SHANK2: variants seen among roughly 807,000 people sequenced by gnomAD.
The protein encoded by SHANK2 is SH3 and multiple ankyrin repeat domains protein 2.
SHANK2 carries 43 observed loss-of-function variants against 133.7 expected under a neutral mutation model. The observed-to-expected ratio is 0.32, with a 90% CI of 0.25 to 0.41. The LOEUF is 0.41. Among genes scored for constraint, SHANK2 ranks in the 10% least tolerant of loss-of-function variants. The pLI is 1.00. For synonymous variants in SHANK2, 1,017 were observed against 952.8 expected, an observed-to-expected ratio of 1.07 and a Z score of -1.24; for missense variants, 1,994 against 2,235.8, an observed-to-expected ratio of 0.89 and a Z score of 2.18.
chr11:70,625,250 G>C (rs993458922), intron 17 of SHANK2, among the ~76,000 whole-genome samples: 1 of 152,118 alleles, frequency 6.6e-6, no homozygotes, highest in Non-Finnish European at 1.5e-5. Context: ...AACACGCATG[G>C]GGCATTGCCG....
intron 17 of SHANK2, among the ~76,000 whole-genome samples, chr11:70,526,662 A>C (rs181173630): frequency 3.4e-4 from 52 of 152,310 alleles, no homozygotes; most frequent in African/African-American, 1.3e-3. Context: ...TATGCTTCCC[A>C]GCTGGTCACA....
intron 14 of SHANK2, among the ~76,000 whole-genome samples, chr11:70,718,230 A>G (rs1437687914): frequency 6.6e-6 from 1 of 152,150 alleles, no homozygotes; most frequent in Non-Finnish European, 1.5e-5. Flanking sequence ...CGTCCCCAGT[A>G]ATTGCTTTCT....
intron 14 of SHANK2, among the ~76,000 whole-genome samples, chr11:70,735,836 T>C (rs17429150): frequency 0.049 from 7,484 of 151,938 alleles, 260 homozygotes; most frequent in Middle Eastern, 0.11. Flanking sequence ...CTTGTAGCTC[T>C]CTCTTCAGCG....
intron 6 of SHANK2, 55 bp downstream of exon 6, chr11:71,109,886 G>T: frequency 9.3e-7 from 1 of 1,079,068 alleles, no homozygotes; most frequent in Non-Finnish European, 1.4e-6. Flanking sequence ...GCAGTGGGCT[G>T]GCCTTCTCTA....
At chr11:70,767,220 G>C (rs1327002037) in intron 14 of SHANK2, among the ~76,000 whole-genome samples, 1 of 152,214 alleles carries the variant, frequency 6.6e-6, no homozygotes, top group Non-Finnish European at 1.5e-5. Flanking sequence ...AGCCCCAGGA[G>C]AGGGCCAGGC....
In SHANK2 at chr11:70,471,337, A is replaced by G; in HGVS notation, c.*1532T>C. 2.5e-6 allele frequency: 1 copy of G among 399,060 alleles called. No individual in the cohort carries two copies. The highest frequency in any genetic ancestry group is 6.3e-4 in the Middle Eastern group (1 of 1,586). 24.7% of individuals were successfully genotyped at this position (399,060 alleles called of 1,614,324 possible). On this transcript the variant is annotated 3_prime_UTR_variant, in exon 26 of 26. Coordinates refer to ENST00000601538, the MANE Select transcript of SHANK2 (RefSeq NM_012309.5). This position sits in a 1 kb window ranked among gnomAD's most constrained non-coding sequence, Gnocchi z 4.1. ...TAGTTCTGAAATAATAATAAAACCA[A>G]AAACCTGACATTCGAGTATCCTCCA...
At chr11:71,147,713 G>T (rs782578111) in intron 2 of SHANK2, among the ~76,000 whole-genome samples, 2 of 152,188 alleles carry the variant, frequency 1.3e-5, no homozygotes, top group Non-Finnish European at 2.9e-5. Flanking sequence ...GCTACCCAAG[G>T]TAAGAAAAAA....
At chr11:71,179,683 TC>T (rs1953516842) in intron 2 of SHANK2, among the ~76,000 whole-genome samples, 1 of 152,024 alleles carries the variant, frequency 6.6e-6, no homozygotes, top group South Asian at 2.1e-4. Flanking sequence ...CCATAGAAAA[TC>T]CATTGGAATC....
intron 15 of SHANK2, among the ~76,000 whole-genome samples, chr11:70,682,454 C>T (rs577967242): frequency 9.8e-5 from 15 of 152,356 alleles, no homozygotes; most frequent in African/African-American, 3.6e-4. Context: ...GCCTGGCCAA[C>T]ATGGTGAAAC....
intron 17 of SHANK2, among the ~76,000 whole-genome samples, chr11:70,577,103 G>A (rs116097301): frequency 5.6e-4 from 86 of 152,290 alleles, no homozygotes; most frequent in African/African-American, 1.9e-3. Flanking sequence ...ATCACCAGAC[G>A]CCAGCCTCTT....
At chr11:71,091,461 C>G (rs1190648348) in intron 8 of SHANK2, among the ~76,000 whole-genome samples, 1 of 152,140 alleles carries the variant, frequency 6.6e-6, no homozygotes, top group African/African-American at 2.4e-5. Context: ...CACAAGGTAG[C>G]CAGAGAAACC....
intron 2 of SHANK2, among the ~76,000 whole-genome samples, chr11:71,182,022 C>A (rs1953568588): frequency 6.6e-6 from 1 of 152,166 alleles, no homozygotes; most frequent in South Asian, 2.1e-4. Context: ...CCTGTCTCCC[C>A]CTCATAGAGG....
At chr11:71,109,919 G>A (rs1951865809) in intron 6 of SHANK2, 22 bp downstream of exon 6, 1 of 1,458,958 alleles carries the variant, frequency 6.9e-7, no homozygotes, top group Non-Finnish European at 9.4e-7. Flanking sequence ...GCCTGGTAAG[G>A]TCCCCTCTAG....
chr11:70,737,755 C>G (rs34543282), intron 14 of SHANK2, among the ~76,000 whole-genome samples: 19,469 of 152,276 alleles, frequency 0.13, 1,645 homozygotes, highest in Non-Finnish European at 0.18. Context: ...ACCCTTACAT[C>G]GCAAACATTT....
intron 11 of SHANK2, among the ~76,000 whole-genome samples, chr11:70,885,395 C>G (rs1297247691): frequency 1.3e-5 from 2 of 152,196 alleles, no homozygotes; most frequent in Non-Finnish European, 2.9e-5. Flanking sequence ...GAGTCGATCT[C>G]TGTGTGCACC....
At chr11:70,816,231 G>C (rs1055871081) in intron 12 of SHANK2, among the ~76,000 whole-genome samples, 3 of 152,264 alleles carry the variant, frequency 2.0e-5, no homozygotes, top group Non-Finnish European at 4.4e-5. Flanking sequence ...GGGGGTGAAA[G>C]TCATCAGCCC....
rs1555052294 is a variant in SHANK2, at chr11:70,807,725, G to A, written c.1494-554C>T. ...AGCACCTGTAATCCGGGCTACTGGA[G>A]AGGCTGAGGCAGGAGAATTGCTTAA... On this transcript the variant is annotated intron_variant, in intron 12 of 25. Transcript: ENST00000601538. The surrounding 1 kb of genome is among the most constrained non-coding windows in gnomAD (Gnocchi z 4.8). 2.0e-5 allele frequency among the ~76,000 whole-genome samples: 3 copies of A among 152,168 alleles called. No individual in the cohort carries two copies. Among genetic ancestry groups the A allele is most frequent in the Non-Finnish European group, 4.4e-5 (3 of 68,038 alleles).
chr11:71,222,214 G>T (rs1205691136), intron 2 of SHANK2, among the ~76,000 whole-genome samples: 1 of 149,036 alleles, frequency 6.7e-6, no homozygotes, highest in Non-Finnish European at 1.5e-5. Context: ...CTGTCCCAAG[G>T]TCACCAACTG....
At chr11:70,822,598 G>A (rs1224334339) in intron 11 of SHANK2, among the ~76,000 whole-genome samples, 3 of 150,468 alleles carry the variant, frequency 2.0e-5, no homozygotes, top group Non-Finnish European at 3.0e-5. Flanking sequence ...GGGGACAGAG[G>A]TGGCACTGGC....
Sources: gnomAD v4.1 joint callset for allele counts (sites outside exome capture counted in the v4.1 genomes callset) on GRCh38, gnomAD v4.1.1 for gene constraint, Gnocchi (gnomAD v3.1) non-coding constraint, MANE v1.5 for transcripts, NCBI Gene and HGNC (gene_info 2026-07-23, HGNC 2026-07-21) for gene names.